NCOR1: variants seen among roughly 807,000 people sequenced by gnomAD.
NCOR1 encodes the protein protein phosphatase 1, regulatory subunit 109.
In NCOR1, 63 loss-of-function variants were observed where a neutral mutation model predicts 288.1. The ratio of observed to expected loss-of-function variants is 0.22; its 90% CI spans 0.18 to 0.27. The LOEUF is 0.27. Ranked by LOEUF, NCOR1 falls within the 10% of genes least tolerant of loss-of-function variation. NCOR1 has a pLI of 1.00. For missense variants in NCOR1, 2,397 were observed against 3,019.2 expected (o/e 0.79, Z 4.83); for synonymous variants, 1,007 against 1,065.9 (o/e 0.94, Z 1.08).
At position 16,118,779 on chromosome 17, in the gene NCOR1, A is replaced by G. The variant is rs147686604; in HGVS notation, c.1915+644T>C. On this transcript the variant is annotated intron_variant, in intron 17 of 45. Transcript: ENST00000268712. ...TAGCTAATCTTTCTCAATATTACCA[A>G]TTATTTATCCTATTAGAAATTTTAG... Among the ~76,000 whole-genome samples, 1,363 of 152,354 alleles carry G rather than the reference A, an allele frequency of 8.9e-3. 24 individuals are homozygous for G. Among genetic ancestry groups the G allele is most frequent in the African/African-American group, 0.031 (1,297 of 41,586 alleles).
chr17:16,127,181 ATC>A (rs60101637), intron 14 of NCOR1, among the ~76,000 whole-genome samples: 4 of 130,512 alleles, frequency 3.1e-5, no homozygotes, highest in African/African-American at 1.1e-4. Flanking sequence ...GTATGTATAT[ATC>A]TGTATGTATA....
chr17:16,041,866 G>A (rs904622581), intron 42 of NCOR1, among the ~76,000 whole-genome samples: 12 of 152,066 alleles, frequency 7.9e-5, no homozygotes, highest in East Asian at 7.7e-4. Context: ...CCCCCCGAGT[G>A]GCTGGGACTA....
chr17:16,192,026 C>T (rs1377118314), intron 2 of NCOR1: 1 of 150,266 alleles, frequency 6.7e-6, no homozygotes, highest in Non-Finnish European at 1.5e-5. Flanking sequence ...TGAACCCACC[C>T]AGGTTACAAA....
intron 2 of NCOR1, among the ~76,000 whole-genome samples, chr17:16,189,671 CAT>C (rs764522405): frequency 5.9e-5 from 9 of 152,066 alleles, no homozygotes; most frequent in East Asian, 1.9e-4. Flanking sequence ...TTAGAAAAAA[CAT>C]AGTCTTCAGA....
Position 16,064,142 on chromosome 17 carries a change from C to A in NCOR1, c.5147G>T (p.Arg1716Leu), listed in dbSNP as rs988739807. 4.3e-6 allele frequency: 7 copies of A among 1,614,032 alleles called. No homozygotes were observed. The highest frequency in any genetic ancestry group is 5.1e-6 in the Non-Finnish European group (6 of 1,180,034). Reference sequence around the variant, plus strand: ...CCGCTCCTTCTCCCGCTCCCGTTCCCGTTCCCTCTCAGCACTTGCAGCAGC... The same window carrying A: ...CCGCTCCTTCTCCCGCTCCCGTTCCAGTTCCCTCTCAGCACTTGCAGCAGC... Reference protein sequence around the residue: ...LAAAASAEREREREREKERER... With the variant: ...LAAAASAERELEREREKERER... The change falls in exon 35 of 46, where the codon CGG becomes CTG. Residue 1716 changes from arginine (R) to leucine (L), a missense_variant. This residue lies in a region of NCOR1 where 1,872 missense variants were observed against 2,187.8 expected (regional missense o/e 0.86). Coordinates refer to ENST00000268712, the MANE Select transcript of NCOR1 (RefSeq NM_006311.4).
intron 19 of NCOR1, among the ~76,000 whole-genome samples, chr17:16,107,139 C>T (rs2068934545): frequency 2.0e-5 from 3 of 151,840 alleles, no homozygotes; most frequent in Non-Finnish European, 1.5e-5. Flanking sequence ...TCGTGTTCCG[C>T]CCTCCTGGGC....
At chr17:16,135,084 G>A (rs543684735) in intron 14 of NCOR1, among the ~76,000 whole-genome samples, 89 of 151,186 alleles carry the variant, frequency 5.9e-4, no homozygotes, top group Middle Eastern at 3.4e-3. Context: ...GCATGAACCC[G>A]GGAGGTGGAG....
Position 16,180,846 on chromosome 17 carries a change from C to T in NCOR1, c.242+5708G>A, listed in dbSNP as rs529669152. Among the ~76,000 whole-genome samples, 587 of 151,988 alleles carry T rather than the reference C, an allele frequency of 3.9e-3. 2 individuals are homozygous for T. Among genetic ancestry groups the T allele is most frequent in the Non-Finnish European group, 5.0e-3 (338 of 67,978 alleles). On this transcript the variant is annotated intron_variant, in intron 3 of 45. Coordinates refer to ENST00000268712, the MANE Select transcript of NCOR1 (RefSeq NM_006311.4). The stretch of plus-strand genomic sequence containing the variant: ...TATATAGAAACAACCTAGATGCCCA[C>T]TGACAGATGAATGGATTAAGAAAAT...
chr17:16,100,091 G>A (rs1466173294), intron 20 of NCOR1, among the ~76,000 whole-genome samples: 1 of 152,054 alleles, frequency 6.6e-6, no homozygotes, highest in East Asian at 1.9e-4. Flanking sequence ...GAAAAAAAAG[G>A]AGTGGGGTTT....
chr17:16,141,790 G>A (rs1436210515), intron 11 of NCOR1, among the ~76,000 whole-genome samples: 4 of 152,128 alleles, frequency 2.6e-5, no homozygotes, highest in Non-Finnish European at 5.9e-5. Context: ...ATAAATATTT[G>A]TTGAAAGAAT....
chr17:16,060,966 C>G (rs1257061412), intron 37 of NCOR1, among the ~76,000 whole-genome samples: 1 of 152,156 alleles, frequency 6.6e-6, no homozygotes, highest in Admixed American at 6.5e-5. Flanking sequence ...AAATACCAAT[C>G]ACCAATAATA....
chr17:16,181,253 G>GTGTA (rs1491061191), intron 3 of NCOR1, among the ~76,000 whole-genome samples: 2 of 146,640 alleles, frequency 1.4e-5, no homozygotes, highest in Non-Finnish European at 3.0e-5. Flanking sequence ...GTGTGTGTGT[G>GTGTA]TATAAATATT....
chr17:16,073,587 A>C lies in NCOR1; in HGVS notation c.3671-18T>G, dbSNP rs1453364590. 3.2e-6 allele frequency: 5 copies of C among 1,579,062 alleles called. No individual in the cohort carries two copies. The highest frequency in any genetic ancestry group is 4.3e-6 in the Non-Finnish European group (5 of 1,164,604). On this transcript the variant is annotated intron_variant, in intron 27 of 45. Transcript: ENST00000268712. ...CTTAATATCTACAGAATACACAAAC[A>C]AGACTTGCTCAGACGGAGCACATGG...
intron 21 of NCOR1, among the ~76,000 whole-genome samples, chr17:16,094,236 G>A (rs528465037): frequency 2.0e-5 from 3 of 152,068 alleles, no homozygotes; most frequent in South Asian, 2.1e-4. Flanking sequence ...CGGTCCATAC[G>A]TTTTTTGAAA....
At chr17:16,036,362 C>T (rs996223893) in intron 44 of NCOR1, among the ~76,000 whole-genome samples, 4 of 152,164 alleles carry the variant, frequency 2.6e-5, no homozygotes, top group Admixed American at 6.5e-5. Context: ...AGAGCACAGG[C>T]GAGTAGACCA....
chr17:16,142,567 C>T (rs575395599), intron 11 of NCOR1, among the ~76,000 whole-genome samples: 10 of 152,218 alleles, frequency 6.6e-5, no homozygotes, highest in African/African-American at 2.4e-4. Flanking sequence ...TCTTATTCTG[C>T]ATTTATTTAT....
intron 1 of NCOR1, among the ~76,000 whole-genome samples, chr17:16,210,682 A>G (rs991912324): frequency 6.6e-6 from 1 of 151,998 alleles, no homozygotes; most frequent in African/African-American, 2.4e-5. Context: ...TAAATTCAAT[A>G]CCTAAGCTAA....
chr17:16,120,853 A>T (rs2072855958), intron 16 of NCOR1, among the ~76,000 whole-genome samples, 199 bp downstream of exon 16: 1 of 152,204 alleles, frequency 6.6e-6, no homozygotes, highest in Non-Finnish European at 1.5e-5. Context: ...CTAAATAAAA[A>T]ACAGCTATAT....
At chr17:16,171,609 C>G (rs1396296943) in intron 4 of NCOR1, among the ~76,000 whole-genome samples, 194 bp downstream of exon 4, 1 of 152,114 alleles carries the variant, frequency 6.6e-6, no homozygotes, top group Non-Finnish European at 1.5e-5. Context: ...ACCGAAAAGG[C>G]AAAAGTGCTC....
Sources: gnomAD v4.1 joint callset for allele counts (sites outside exome capture counted in the v4.1 genomes callset) on GRCh38, gnomAD v4.1.1 for gene constraint, gnomAD v4.1.1 regional missense constraint, MANE v1.5 for transcripts, NCBI Gene and HGNC (gene_info 2026-07-23, HGNC 2026-07-21) for gene names.